ZNF385B: variants seen among roughly 807,000 people sequenced by gnomAD.
The protein encoded by ZNF385B is zinc finger protein 533.
A neutral mutation model predicts 39.2 loss-of-function variants in ZNF385B; 23 were observed. The ratio of observed to expected loss-of-function variants is 0.59; its 90% CI spans 0.42 to 0.83. The LOEUF (loss-of-function observed/expected upper bound fraction) is 0.83, where lower values mean the gene tolerates loss of function less well. Ranked by LOEUF, ZNF385B falls within the 40% of genes least tolerant of loss-of-function variation. The pLI is 0.00. For missense variants in ZNF385B, 552 were observed against 598.9 expected, an observed-to-expected ratio of 0.92 and a Z score of 0.82; for synonymous variants, 205 against 222.6, an observed-to-expected ratio of 0.92 and a Z score of 0.70.
At chr2:179,777,173 G>A (rs74695763) in intron 1 of ZNF385B, among the ~76,000 whole-genome samples, 16,798 of 150,952 alleles carry the variant, frequency 0.11, 1,581 homozygotes, top group East Asian at 0.49. Flanking sequence ...TACAAATAGC[G>A]TAATGATGTC....
intron 3 of ZNF385B, among the ~76,000 whole-genome samples, chr2:179,551,180 T>C (rs1446299993): frequency 6.6e-6 from 1 of 152,094 alleles, no homozygotes; most frequent in African/African-American, 2.4e-5. Flanking sequence ...TGCCGCCCTA[T>C]TTGATAATAA....
At position 179,605,882 on chromosome 2, in the gene ZNF385B, C is replaced by G. The variant is rs141504443; in HGVS notation, c.299-60913G>C. Among the ~76,000 whole-genome samples, 378 of 152,156 alleles carry G rather than the reference C, an allele frequency of 2.5e-3. 2 individuals are homozygous for G. Among genetic ancestry groups the G allele is most frequent in the African/African-American group, 8.6e-3 (359 of 41,532 alleles). On this transcript the variant is annotated intron_variant, in intron 3 of 9. Transcript: ENST00000410066. ...AGACACAATGAGAAAGCCAACTTTCCTTCCTTTTCACAGAGATAGTAACCT... is the reference window on the plus strand; with the variant it reads ...AGACACAATGAGAAAGCCAACTTTCGTTCCTTTTCACAGAGATAGTAACCT...
At chr2:179,466,258 T>C (rs1012160713) in intron 6 of ZNF385B, among the ~76,000 whole-genome samples, 7 of 152,184 alleles carry the variant, frequency 4.6e-5, no homozygotes, top group South Asian at 4.1e-4. Context: ...ATTTTGATGT[T>C]TGATGAAATG....
intron 3 of ZNF385B, among the ~76,000 whole-genome samples, chr2:179,734,055 GCACATTATTCCATATCAGT>G (rs1352102726): frequency 1.3e-5 from 2 of 151,782 alleles, no homozygotes; most frequent in Non-Finnish European, 2.9e-5. Context: ...CTTATATTTT[GCACATTATTCCATATCAGT>G]TCTTACAGAC....
chr2:179,516,825 G>A (rs1178402285), intron 5 of ZNF385B, among the ~76,000 whole-genome samples: 1 of 151,920 alleles, frequency 6.6e-6, no homozygotes, highest in African/African-American at 2.4e-5. Context: ...CTAATGCAAA[G>A]CCAAATAGAT....
intron 3 of ZNF385B, among the ~76,000 whole-genome samples, chr2:179,655,693 T>A (rs1223283727): frequency 6.6e-6 from 1 of 152,066 alleles, no homozygotes. Context: ...TTGGACTAAC[T>A]CCATGTGAAT....
At chr2:179,847,120 G>A (rs1304202499) in intron 1 of ZNF385B, among the ~76,000 whole-genome samples, 1 of 152,158 alleles carries the variant, frequency 6.6e-6, no homozygotes, top group African/African-American at 2.4e-5. Context: ...GACAAATTGG[G>A]TGCCACTGCT....
intron 3 of ZNF385B, among the ~76,000 whole-genome samples, chr2:179,579,234 T>C (rs773936336): frequency 1.3e-5 from 2 of 152,162 alleles, no homozygotes; most frequent in Non-Finnish European, 2.9e-5. Context: ...CTTTTCAGTA[T>C]ACCAAATTTC....
chr2:179,622,344 C>G (rs373086217), intron 3 of ZNF385B, among the ~76,000 whole-genome samples: 1 of 152,100 alleles, frequency 6.6e-6, no homozygotes, highest in African/African-American at 2.4e-5. Context: ...AAACAGTAAG[C>G]CCATGGAGTT....
chr2:179,491,799 C>T (rs10930875), intron 5 of ZNF385B, among the ~76,000 whole-genome samples: 38,396 of 152,048 alleles, frequency 0.25, 5,471 homozygotes, highest in East Asian at 0.52. Flanking sequence ...CCTGGGCTCA[C>T]GCTGTCCTCC....
chr2:179,513,247 T>C (rs1264493924), intron 5 of ZNF385B, among the ~76,000 whole-genome samples: 3 of 152,304 alleles, frequency 2.0e-5, no homozygotes, highest in African/African-American at 7.2e-5. Flanking sequence ...AAATAAAAAA[T>C]GCTCAGTTTC....
At chr2:179,618,105 C>G (rs1689911267) in intron 3 of ZNF385B, among the ~76,000 whole-genome samples, 2 of 152,228 alleles carry the variant, frequency 1.3e-5, no homozygotes, top group South Asian at 4.1e-4. Context: ...TTTTTCCTCC[C>G]TGTTTCAGGG....
chr2:179,596,953 G>T (rs937670153), intron 3 of ZNF385B, among the ~76,000 whole-genome samples: 7 of 152,080 alleles, frequency 4.6e-5, no homozygotes, highest in African/African-American at 1.7e-4. Context: ...ATCTTTCACA[G>T]GTTCTCTTTT....
At chr2:179,518,461 C>T (rs531046248) in intron 5 of ZNF385B, 67 bp downstream of exon 5, 64 of 1,107,288 alleles carry the variant, frequency 5.8e-5, no homozygotes, top group African/African-American at 2.0e-4. Context: ...AAGAAATGTA[C>T]GTATTTAGAT....
At chr2:179,517,979 A>G (rs1288726598) in intron 5 of ZNF385B, among the ~76,000 whole-genome samples, 1 of 152,204 alleles carries the variant, frequency 6.6e-6, no homozygotes, top group Non-Finnish European at 1.5e-5. Context: ...ATTTGACACA[A>G]ACATGAAATG....
chr2:179,841,570 T>C (rs771357992), intron 1 of ZNF385B, among the ~76,000 whole-genome samples: 2 of 152,242 alleles, frequency 1.3e-5, no homozygotes, highest in Non-Finnish European at 2.9e-5. Flanking sequence ...GATAATTTTT[T>C]GCTGTGGGAT....
chr2:179,817,138 C>T (rs1418825170), intron 1 of ZNF385B, among the ~76,000 whole-genome samples: 4 of 152,224 alleles, frequency 2.6e-5, no homozygotes, highest in Non-Finnish European at 4.4e-5. Context: ...CCCAACTGCC[C>T]ACCTTTTCAT....
intron 5 of ZNF385B, chr2:179,513,945 G>T (rs2057887042): frequency 6.6e-6 from 1 of 152,218 alleles, no homozygotes; most frequent in Non-Finnish European, 1.5e-5. Flanking sequence ...GATGTCAAAA[G>T]ATGAGAACCA....
chr2:179,743,292 G>A (rs1702183504), intron 3 of ZNF385B, among the ~76,000 whole-genome samples: 1 of 151,782 alleles, frequency 6.6e-6, no homozygotes, highest in Non-Finnish European at 1.5e-5. Flanking sequence ...ATGATGATTT[G>A]TGACATAACA....
Sources: allele counts gnomAD v4.1 joint callset (sites outside exome capture counted in the v4.1 genomes callset), GRCh38; gene constraint gnomAD v4.1.1; transcripts MANE v1.5; gene names NCBI Gene and HGNC (gene_info 2026-07-23, HGNC 2026-07-21).